Variants in ATF6 observed in about 807,000 individuals in gnomAD.
ATF6 encodes cyclic AMP-dependent transcription factor ATF-6 alpha.
Under a neutral mutation model 83.6 loss-of-function variants are expected in ATF6, and 53 were observed. The ratio of observed to expected loss-of-function variants is 0.63; its 90% CI spans 0.51 to 0.80. The LOEUF (loss-of-function observed/expected upper bound fraction) is 0.80, where lower values mean the gene tolerates loss of function less well. Ranked by LOEUF, ATF6 falls within the 30% of genes least tolerant of loss-of-function variation. ATF6 has a pLI of 0.00. For synonymous variants in ATF6, 288 were observed against 285.8 expected (o/e 1.01, Z -0.08); for missense variants, 744 against 797.9 (o/e 0.93, Z 0.81).
At chr1:161,898,872 C>T (rs1361962808) in intron 14 of ATF6, among the ~76,000 whole-genome samples, 2 of 152,034 alleles carry the variant, frequency 1.3e-5, no homozygotes, top group Non-Finnish European at 2.9e-5. Flanking sequence ...TTATGTATAT[C>T]CTCACTAAAT....
chr1:161,790,326 A>AG (rs1234742899), intron 4 of ATF6, among the ~76,000 whole-genome samples: 1 of 152,106 alleles, frequency 6.6e-6, no homozygotes, highest in East Asian at 1.9e-4. Flanking sequence ...GATGTTATGA[A>AG]GTAGAGATTA....
chr1:161,927,862 A>G (rs1688348177), intron 15 of ATF6, among the ~76,000 whole-genome samples: 1 of 152,230 alleles, frequency 6.6e-6, no homozygotes, highest in Admixed American at 6.5e-5. Flanking sequence ...ATACTGTTGG[A>G]ATAATAAGAG....
At chr1:161,942,866 T>C (rs1040733875) in intron 15 of ATF6, among the ~76,000 whole-genome samples, 2 of 152,166 alleles carry the variant, frequency 1.3e-5, no homozygotes, top group Non-Finnish European at 2.9e-5. Flanking sequence ...TGTTTGTTTG[T>C]TTGTTTTGAG....
intron 6 of ATF6, 45 bp from the exon 7 acceptor site, chr1:161,802,007 C>T (rs1383626555): frequency 1.3e-6 from 2 of 1,590,322 alleles, no homozygotes; most frequent in African/African-American, 2.7e-5. Context: ...TCCCCTGCCA[C>T]AGTAGTTGTG....
At chr1:161,798,261 CATG>C (rs974073932) in intron 6 of ATF6, among the ~76,000 whole-genome samples, 2 of 152,138 alleles carry the variant, frequency 1.3e-5, no homozygotes, top group Non-Finnish European at 2.9e-5. Flanking sequence ...TCAAAGATTT[CATG>C]ATGAAGACTC....
In ATF6 at chr1:161,894,521, C is replaced by CTTTTT. The variant is rs71093131; in HGVS notation, c.1720-17746_1720-17742dup. Among the ~76,000 whole-genome samples, 35 of 44,858 alleles carry CTTTTT rather than the reference C, an allele frequency of 7.8e-4. 1 individual carries two copies. Among genetic ancestry groups the CTTTTT allele is most frequent in the African/African-American group, 2.2e-3 (33 of 15,122 alleles). The allele number at this position is 44,858 out of a possible 152,430, so 29.4% of individuals were successfully genotyped here. On this transcript the variant is annotated intron_variant, in intron 14 of 15. Coordinates refer to ENST00000367942, the MANE Select transcript of ATF6 (RefSeq NM_007348.4). ...TTAGAGGCAACATTTGTTTTGTAGT[C>CTTTTT]TTTTTTTTTTTTTTTTTTTTTTTTT...
At position 161,787,600 on chromosome 1, in the gene ATF6, G is replaced by A. The variant is rs2134691; in HGVS notation, c.354+3504G>A. On this transcript the variant is annotated intron_variant, in intron 4 of 15. Transcript: ENST00000367942. ...AGGCTACTTCTCTGCGTGGATGGTG[G>A]TCTTGCTTTACCCCATCTAGTGGCT... Among the ~76,000 whole-genome samples, 1,088 of 152,182 alleles carry A rather than the reference G, an allele frequency of 7.1e-3. 10 individuals carry two copies. Among genetic ancestry groups the A allele is most frequent in the African/African-American group, 0.025 (1,034 of 41,508 alleles).
intron 6 of ATF6, among the ~76,000 whole-genome samples, chr1:161,796,491 G>A (rs866031162): frequency 6.6e-6 from 1 of 152,132 alleles, no homozygotes; most frequent in African/African-American, 2.4e-5. Context: ...TAGCTTTATG[G>A]CATTTTGCAA....
At chr1:161,842,805 G>A (rs1051007740) in intron 9 of ATF6, among the ~76,000 whole-genome samples, 2 of 152,208 alleles carry the variant, frequency 1.3e-5, no homozygotes, top group African/African-American at 4.8e-5. Context: ...GAATCAGTGA[G>A]TGACAGTGGT....
At chr1:161,867,384 GAC>G (rs1269936181) in intron 14 of ATF6, among the ~76,000 whole-genome samples, 2 of 152,040 alleles carry the variant, frequency 1.3e-5, no homozygotes, top group Non-Finnish European at 2.9e-5. Flanking sequence ...CAAGAGCTAA[GAC>G]AGAAACAAAT....
chr1:161,766,531 G>A lies in ATF6; in HGVS notation c.82+89G>A, dbSNP rs1009536575. On this transcript the variant is annotated intron_variant, in intron 1 of 15. Coordinates refer to ENST00000367942, the MANE Select transcript of ATF6 (RefSeq NM_007348.4). ...TACTTCCGCCCACTCGTGGTGACAG[G>A]TGTGGACCAACCCTGCCTGGGGAGT... The A allele has an allele frequency of 2.3e-6, 3 of 1,278,396 alleles. No homozygotes were observed. In the African/African-American group the frequency reaches 4.4e-5, roughly 19 times the overall value. The allele number at this position is 1,278,396 out of a possible 1,614,324, so 79.2% of individuals were successfully genotyped here.
At chr1:161,859,890 C>G (rs1451759043) in intron 12 of ATF6, among the ~76,000 whole-genome samples, 1 of 152,076 alleles carries the variant, frequency 6.6e-6, no homozygotes, top group Non-Finnish European at 1.5e-5. Context: ...TTTAGACAAG[C>G]AGACATTGTT....
At chr1:161,794,749 A>G (rs1312916792) in intron 6 of ATF6, among the ~76,000 whole-genome samples, 1 of 152,184 alleles carries the variant, frequency 6.6e-6, no homozygotes, top group Non-Finnish European at 1.5e-5. Context: ...ACCAACCAGC[A>G]ACAACTTATG....
intron 15 of ATF6, among the ~76,000 whole-genome samples, chr1:161,913,161 G>T (rs1052582290): frequency 1.3e-5 from 2 of 152,106 alleles, no homozygotes; most frequent in Non-Finnish European, 2.9e-5. Flanking sequence ...TTGAAAATCG[G>T]AGAGTTGGCC....
intron 10 of ATF6, among the ~76,000 whole-genome samples, chr1:161,849,212 A>T (rs1686556256): frequency 2.0e-5 from 3 of 151,730 alleles, no homozygotes. Context: ...TTTCCTTCTC[A>T]CTCAATGCTT....
intron 7 of ATF6, among the ~76,000 whole-genome samples, chr1:161,813,953 C>T (rs1204888749): frequency 2.7e-5 from 4 of 148,488 alleles, no homozygotes; most frequent in African/African-American, 7.5e-5. Context: ...GGTGTGATCT[C>T]GGCTCACCAC....
intron 7 of ATF6, among the ~76,000 whole-genome samples, chr1:161,815,767 A>C (rs1232638051): frequency 6.6e-6 from 1 of 151,996 alleles, no homozygotes; most frequent in Non-Finnish European, 1.5e-5. Flanking sequence ...ACATAGAGAG[A>C]TCCTATCTCT....
At chr1:161,954,414 G>A (rs1688926392) in intron 15 of ATF6, among the ~76,000 whole-genome samples, 1 of 152,182 alleles carries the variant, frequency 6.6e-6, no homozygotes, top group East Asian at 1.9e-4. Context: ...AGTTTACACA[G>A]AGAAAGCTAC....
chr1:161,929,900 A>C (rs1688397134), intron 15 of ATF6, among the ~76,000 whole-genome samples: 1 of 152,214 alleles, frequency 6.6e-6, no homozygotes, highest in Admixed American at 6.5e-5. Flanking sequence ...AGGCACTATC[A>C]TCTCTCTCTG....
Sources: gnomAD v4.1 joint callset for allele counts (sites outside exome capture counted in the v4.1 genomes callset) on GRCh38, gnomAD v4.1.1 for gene constraint, MANE v1.5 for transcripts, NCBI Gene and HGNC (gene_info 2026-07-23, HGNC 2026-07-21) for gene names.